MAPKAPK2: variants seen among roughly 807,000 people sequenced by gnomAD.
The protein encoded by MAPKAPK2 is MAPK activated protein kinase 2.
MAPKAPK2 carries 9 observed loss-of-function variants against 48.8 expected under a neutral mutation model. The ratio of observed to expected loss-of-function variants is 0.18; its 90% confidence interval spans 0.11 to 0.32. MAPKAPK2 has a LOEUF of 0.32. Among genes scored for constraint, MAPKAPK2 ranks in the 10% least tolerant of loss-of-function variants. The pLI, the probability that MAPKAPK2 is intolerant of heterozygous loss-of-function variation, is 1.00. For missense variants in MAPKAPK2, 331 were observed against 498.3 expected, an observed-to-expected ratio of 0.66 and a Z score of 3.20; for synonymous variants, 202 against 190.6, an observed-to-expected ratio of 1.06 and a Z score of -0.49.
At chr1:206,694,524 G>A (rs1216627154) in intron 1 of MAPKAPK2, among the ~76,000 whole-genome samples, 2 of 152,176 alleles carry the variant, frequency 1.3e-5, no homozygotes, top group Non-Finnish European at 2.9e-5. Context: ...TCCCTATCCC[G>A]ACTGCCTTCC....
chr1:206,730,676 T>C lies in MAPKAPK2; in HGVS notation c.692-12T>C, dbSNP rs782453820. On this transcript the variant is annotated splice_polypyrimidine_tract_variant and intron_variant, in intron 5 of 9. Coordinates refer to ENST00000367103, the MANE Select transcript of MAPKAPK2 (RefSeq NM_032960.4). ...GAGGGCCGGCCCACCCATGTTGACC[T>C]TTGATTTGCAGCTCCAGAAGTGCTG... The C allele has an allele frequency of 1.2e-6, 2 of 1,613,596 alleles. No homozygotes were observed. The highest frequency in any genetic ancestry group is 1.7e-6 in the Non-Finnish European group (2 of 1,179,588).
chr1:206,715,227 T>G (rs1572501735), intron 1 of MAPKAPK2, among the ~76,000 whole-genome samples: 1 of 152,240 alleles, frequency 6.6e-6, no homozygotes, highest in Non-Finnish European at 1.5e-5. Context: ...TGTCATTTTG[T>G]GTGTTAGAGT....
rs1304969374 is a variant in MAPKAPK2 at position 206,732,279 on chromosome 1, C to T, written c.1060-296C>T. 20 of 1,450,786 alleles carry T rather than the reference C, an allele frequency of 1.4e-5. No individual in the cohort carries two copies. Among genetic ancestry groups the T allele is most frequent in the Middle Eastern group, 2.5e-4 (1 of 3,960 alleles). 89.9% of individuals were successfully genotyped at this position (1,450,786 alleles called of 1,614,324 possible). The stretch of plus-strand genomic sequence containing the variant: ...CAGCTGGTGACTGGTTGGGGCAGAC[C>T]GGACCCAGGTTTCCTGACTCCTGGC... On this transcript the variant is annotated intron_variant, in intron 9 of 9. Coordinates refer to ENST00000367103, the MANE Select transcript of MAPKAPK2 (RefSeq NM_032960.4). This position sits in a 1 kb window ranked among gnomAD's most constrained non-coding sequence, Gnocchi z 4.4.
intron 1 of MAPKAPK2, among the ~76,000 whole-genome samples, chr1:206,710,558 G>A (rs1673113017): frequency 6.6e-6 from 1 of 152,188 alleles, no homozygotes; most frequent in Admixed American, 6.5e-5. Context: ...TGTCAACACT[G>A]TCACTGTTCA....
At position 206,732,079 on chromosome 1, in the gene MAPKAPK2, G is replaced by A. The variant is rs1553432815; in HGVS notation, c.1059+160G>A. The A allele has an allele frequency of 1.9e-6, 3 of 1,614,198 alleles. No homozygotes were observed. The highest frequency in any genetic ancestry group is 2.2e-5 in the East Asian group (1 of 44,890). Reference sequence around the variant, plus strand: ...AGAACAGCGACCAGGCCACTTGGCTGACCAGGTTGTGAGCAGAGGATTCTG... The same window carrying A: ...AGAACAGCGACCAGGCCACTTGGCTAACCAGGTTGTGAGCAGAGGATTCTG... On this transcript the variant is annotated intron_variant, in intron 9 of 9. Transcript: ENST00000367103. This position sits in a 1 kb window ranked among gnomAD's most constrained non-coding sequence, Gnocchi z 4.4.
At position 206,685,398 on chromosome 1, in the gene MAPKAPK2, A is replaced by G; in HGVS notation, c.169A>G (p.Asn57Asp). 6.5e-7 allele frequency: 1 copy of G among 1,536,562 alleles called. No homozygotes were observed. Reference protein sequence around the residue: ...HVKSGLQIKKNAIIDDYKVTS... With the variant: ...HVKSGLQIKKDAIIDDYKVTS... ...CAAGTCCGGCCTGCAGATCAAGAAG[A>G]ACGCCATCATCGATGACTACAAGGT... The change falls in exon 1 of 10, where the codon AAC (asparagine) becomes GAC (aspartate). Residue 57 changes from asparagine (N) to aspartate (D), a missense_variant. Asn to Asp is a conservative substitution (Grantham distance 23). This residue lies in a region of MAPKAPK2 where 93 missense variants were observed against 81.0 expected (regional missense o/e 1.15). Coordinates refer to ENST00000367103, the MANE Select transcript of MAPKAPK2 (RefSeq NM_032960.4).
Position 206,731,450 on chromosome 1 carries a change from G to T in MAPKAPK2, c.892+188G>T. ...TGCCTGTGTGGAGGGCTGGAGGCAG[G>T]GCCAAGGCTGTGGGGCTGTGCAGGG... is the stretch of plus-strand genomic sequence containing the variant. On this transcript the variant is annotated intron_variant, in intron 7 of 9. Transcript: ENST00000367103. This position sits in a 1 kb window ranked among gnomAD's most constrained non-coding sequence, Gnocchi z 5.9. The T allele has an allele frequency of 8.0e-7, 1 of 1,242,294 alleles. No homozygotes were observed. The highest frequency in any genetic ancestry group is 1.1e-6 in the Non-Finnish European group (1 of 886,484). The allele number at this position is 1,242,294 out of a possible 1,614,324, so 77.0% of individuals were successfully genotyped here.
chr1:206,703,018 C>T (rs899654328), intron 1 of MAPKAPK2, among the ~76,000 whole-genome samples: 2 of 152,234 alleles, frequency 1.3e-5, no homozygotes. Context: ...CTGCCAGGCC[C>T]TCCCTGCTAG....
intron 1 of MAPKAPK2, among the ~76,000 whole-genome samples, chr1:206,702,549 G>A (rs989012999): frequency 3.9e-5 from 6 of 152,254 alleles, no homozygotes; most frequent in South Asian, 2.1e-4. Context: ...ATCCTGCTCC[G>A]TAGGGAAGAG....
chr1:206,722,247 C>G (rs1447756776), intron 1 of MAPKAPK2, among the ~76,000 whole-genome samples: 1 of 152,034 alleles, frequency 6.6e-6, no homozygotes, highest in African/African-American at 2.4e-5. Flanking sequence ...ATGGTCCCAG[C>G]TACTCGGGAA....
At chr1:206,723,298 A>G (rs1359668888) in intron 1 of MAPKAPK2, among the ~76,000 whole-genome samples, 1 of 152,140 alleles carries the variant, frequency 6.6e-6, no homozygotes, top group Non-Finnish European at 1.5e-5. Flanking sequence ...ACTCCAACAC[A>G]TGGGGAGTGG....
chr1:206,695,591 C>T (rs1436619338), intron 1 of MAPKAPK2, among the ~76,000 whole-genome samples: 1 of 151,924 alleles, frequency 6.6e-6, no homozygotes, highest in African/African-American at 2.4e-5. Flanking sequence ...TGTACCATGC[C>T]TGTCCCCCGT....
At chr1:206,685,656 C>T in intron 1 of MAPKAPK2, 148 bp downstream of exon 1, 9 of 512,098 alleles carry the variant, frequency 1.8e-5, no homozygotes, top group Non-Finnish European at 2.2e-5. Context: ...CCGGCGGTGC[C>T]GAGTGCGGCG....
chr1:206,706,283 C>G (rs561982278), intron 1 of MAPKAPK2, among the ~76,000 whole-genome samples: 1 of 152,232 alleles, frequency 6.6e-6, no homozygotes, highest in Admixed American at 6.5e-5. Flanking sequence ...CTCTCCCTGC[C>G]TTTCCCTGGC....
At chr1:206,726,189 A>C (rs1477017508) in intron 1 of MAPKAPK2, among the ~76,000 whole-genome samples, 9 of 152,286 alleles carry the variant, frequency 5.9e-5, no homozygotes, top group African/African-American at 2.2e-4. Context: ...GTTCGAGACC[A>C]GCCTGGCCAA....
At chr1:206,727,694 C>T (rs1279458920) in intron 1 of MAPKAPK2, among the ~76,000 whole-genome samples, 4 of 152,046 alleles carry the variant, frequency 2.6e-5, no homozygotes, top group African/African-American at 7.3e-5. Context: ...GATCTCGGCT[C>T]GCTGCAAGCT....
chr1:206,731,032 C>T lies in MAPKAPK2; in HGVS notation c.768-106C>T. The T allele has an allele frequency of 6.8e-7, 1 of 1,478,654 alleles. No individual in the cohort carries two copies. The highest frequency in any genetic ancestry group is 1.2e-5 in the South Asian group (1 of 86,468). 91.6% of individuals were successfully genotyped at this position (1,478,654 alleles called of 1,614,324 possible). A position where few individuals can be genotyped will look rare whatever the true frequency, so the allele number is the denominator to read the frequency against. ...CCTGTGTCAATAAGCCCTGATTTCTCTGTGACCTTTACAAGGAGAAGAGCC... is the reference window on the plus strand; with the variant it reads ...CCTGTGTCAATAAGCCCTGATTTCTTTGTGACCTTTACAAGGAGAAGAGCC... On this transcript the variant is annotated intron_variant, in intron 6 of 9. Transcript: ENST00000367103. This position sits in a 1 kb window ranked among gnomAD's most constrained non-coding sequence, Gnocchi z 5.9.
Position 206,732,492 on chromosome 1 carries a change from GTC to G in MAPKAPK2, c.1060-78_1060-77del. On this transcript the variant is annotated intron_variant, in intron 9 of 9. Transcript: ENST00000367103. This position sits in a 1 kb window ranked among gnomAD's most constrained non-coding sequence, Gnocchi z 4.4. ...CCCTCACCCTGCCCTTGTTGTCTCT[GTC>G]TCTCACGTCTCTCTTCTGCTGTCTC... 1.3e-6 allele frequency: 2 copies of G among 1,572,294 alleles called. No individual in the cohort carries two copies. The highest frequency in any genetic ancestry group is 1.7e-6 in the Non-Finnish European group (2 of 1,156,680).
chr1:206,731,466 C>A lies in MAPKAPK2; in HGVS notation c.893-174C>A. On this transcript the variant is annotated intron_variant, in intron 7 of 9. Transcript: ENST00000367103. The surrounding 1 kb of genome is among the most constrained non-coding windows in gnomAD (Gnocchi z 5.9). ...TGGAGGCAGGGCCAAGGCTGTGGGG[C>A]TGTGCAGGGCCTCTCAAGTGGTACA... 1 of 1,129,140 alleles carries A rather than the reference C, an allele frequency of 8.9e-7. No homozygotes were observed. Among genetic ancestry groups the A allele is most frequent in the Non-Finnish European group, 1.3e-6 (1 of 781,682 alleles). 69.9% of individuals were successfully genotyped at this position (1,129,140 alleles called of 1,614,324 possible).
Sources: allele counts gnomAD v4.1 joint callset (sites outside exome capture counted in the v4.1 genomes callset), GRCh38; gene constraint gnomAD v4.1.1; regional missense constraint gnomAD v4.1.1; non-coding constraint Gnocchi (gnomAD v3.1); transcripts MANE v1.5; gene names NCBI Gene and HGNC (gene_info 2026-07-23, HGNC 2026-07-21).